NETO2: variants seen among roughly 807,000 people sequenced by gnomAD.
NETO2 encodes neuropilin and tolloid like 2.
In NETO2, 28 loss-of-function variants were observed where a neutral mutation model predicts 62.5. The observed-to-expected ratio is 0.45, with a 90% confidence interval of 0.33 to 0.61. The LOEUF is 0.61. Ranked by LOEUF, NETO2 falls within the 20% of genes least tolerant of loss-of-function variation. The pLI, the probability that NETO2 is intolerant of heterozygous loss-of-function variation, is 0.02. For synonymous variants in NETO2, 214 were observed against 219.1 expected (o/e 0.98, Z 0.21); for missense variants, 548 against 643.2 (o/e 0.85, Z 1.60).
chr16:47,133,764 G>C (rs895727791), intron 1 of NETO2, among the ~76,000 whole-genome samples: 1 of 152,182 alleles, frequency 6.6e-6, no homozygotes, highest in Non-Finnish European at 1.5e-5. Context: ...TAGTAGGTTA[G>C]AGAAAAGTTG....
At chr16:47,136,390 T>C (rs554674499) in intron 1 of NETO2, among the ~76,000 whole-genome samples, 87 of 152,166 alleles carry the variant, frequency 5.7e-4, no homozygotes, top group African/African-American at 2.0e-3. Context: ...GAAATAGATA[T>C]ATATATCCAA....
intron 7 of NETO2, among the ~76,000 whole-genome samples, chr16:47,099,886 A>G (rs769842274): frequency 2.0e-5 from 3 of 152,204 alleles, no homozygotes; most frequent in Non-Finnish European, 2.9e-5. Context: ...CTCATTGTCA[A>G]TATTAGACAG....
At chr16:47,096,937 G>A (rs1032716137) in intron 7 of NETO2, among the ~76,000 whole-genome samples, 4 of 152,162 alleles carry the variant, frequency 2.6e-5, no homozygotes, top group South Asian at 2.1e-4. Context: ...TCAAGGGGTC[G>A]GGGAACTCCC....
intron 6 of NETO2, among the ~76,000 whole-genome samples, chr16:47,111,417 C>T (rs1963798519): frequency 1.3e-5 from 2 of 152,254 alleles, no homozygotes; most frequent in South Asian, 4.1e-4. Flanking sequence ...AAGATCACAG[C>T]ACTTTTCTAC....
intron 7 of NETO2, among the ~76,000 whole-genome samples, chr16:47,092,088 T>A (rs914609957): frequency 3.4e-5 from 5 of 148,078 alleles, no homozygotes; most frequent in Non-Finnish European, 6.0e-5. Flanking sequence ...TCTCAGGCAA[T>A]CTTCCCACCT....
chr16:47,127,458 T>TACTC (rs1964179712), intron 4 of NETO2, among the ~76,000 whole-genome samples: 1 of 152,250 alleles, frequency 6.6e-6, no homozygotes, highest in African/African-American at 2.4e-5. Context: ...CACATATAGT[T>TACTC]TTTTAAAAGA....
intron 4 of NETO2, among the ~76,000 whole-genome samples, chr16:47,127,526 G>T (rs540249223): frequency 7.9e-5 from 12 of 152,318 alleles, no homozygotes; most frequent in African/African-American, 2.9e-4. Flanking sequence ...AGAGTAGAAA[G>T]AGCTGTGAAG....
chr16:47,141,820 C>T (rs1964465768), intron 1 of NETO2, among the ~76,000 whole-genome samples: 1 of 152,230 alleles, frequency 6.6e-6, no homozygotes, highest in African/African-American at 2.4e-5. Flanking sequence ...AGAATCCTTT[C>T]CTGAAAGGTA....
At chr16:47,091,149 A>G (rs892027262) in intron 7 of NETO2, among the ~76,000 whole-genome samples, 2 of 152,184 alleles carry the variant, frequency 1.3e-5, no homozygotes, top group African/African-American at 4.8e-5. Flanking sequence ...ACTCTGTTAA[A>G]TCCCTTATTT....
intron 8 of NETO2, among the ~76,000 whole-genome samples, chr16:47,084,056 T>C (rs1963130683): frequency 6.6e-6 from 1 of 152,208 alleles, no homozygotes; most frequent in Non-Finnish European, 1.5e-5. Flanking sequence ...CATAAATGCA[T>C]ACATTCTGCA....
intron 6 of NETO2, among the ~76,000 whole-genome samples, chr16:47,121,763 A>G (rs1440965170): frequency 2.6e-5 from 4 of 152,226 alleles, no homozygotes; most frequent in African/African-American, 9.6e-5. Flanking sequence ...GTAACAGGTT[A>G]TAAAAGTCAG....
chr16:47,106,401 T>A (rs1435131279), intron 7 of NETO2, among the ~76,000 whole-genome samples: 1 of 152,174 alleles, frequency 6.6e-6, no homozygotes, highest in African/African-American at 2.4e-5. Context: ...ACAATGTGCA[T>A]GTACTTAATG....
intron 6 of NETO2, among the ~76,000 whole-genome samples, chr16:47,113,908 T>G (rs904568278): frequency 3.3e-4 from 51 of 152,278 alleles, no homozygotes; most frequent in African/African-American, 1.2e-3. Context: ...TTTTAAAAGC[T>G]AAAGAACACT....
In NETO2 at chr16:47,083,786, CCTG is replaced by C; in HGVS notation, c.1010_1012del (p.Ala337del). 2 of 1,579,762 alleles carry C rather than the reference CCTG, an allele frequency of 1.3e-6. No individual in the cohort carries two copies. The highest frequency in any genetic ancestry group is 1.7e-6 in the Non-Finnish European group (2 of 1,161,226). On this transcript the variant is annotated inframe_deletion, in exon 9 of 9. Transcript: ENST00000562435. ...AGTCTTAGTGATTTGTTCAAATACT[CCTG>C]CTTTTTTCTTTTCTGCAGAAAGAAA...
intron 7 of NETO2, among the ~76,000 whole-genome samples, chr16:47,106,628 C>T (rs1963681281): frequency 6.6e-6 from 1 of 152,122 alleles, no homozygotes; most frequent in African/African-American, 2.4e-5. Flanking sequence ...ACATTATTCA[C>T]TGTAGCTTCT....
intron 7 of NETO2, among the ~76,000 whole-genome samples, chr16:47,096,308 G>T (rs1963426565): frequency 6.6e-6 from 1 of 152,152 alleles, no homozygotes; most frequent in Admixed American, 6.5e-5. Flanking sequence ...AAATAATAAA[G>T]ATTTGAGTGA....
At chr16:47,097,883 G>A (rs1963461353) in intron 7 of NETO2, among the ~76,000 whole-genome samples, 1 of 152,174 alleles carries the variant, frequency 6.6e-6, no homozygotes, top group Non-Finnish European at 1.5e-5. Flanking sequence ...CAGGCAAACA[G>A]GGTCTGGAGT....
intron 7 of NETO2, among the ~76,000 whole-genome samples, chr16:47,093,031 T>C (rs1963345469): frequency 6.6e-6 from 1 of 152,246 alleles, no homozygotes. Context: ...GGCTTCCCGC[T>C]GTGACTATGG....
intron 1 of NETO2, among the ~76,000 whole-genome samples, chr16:47,135,376 T>C (rs540214667): frequency 6.6e-6 from 1 of 152,262 alleles, no homozygotes; most frequent in African/African-American, 2.4e-5. Flanking sequence ...TCAATGATAA[T>C]GTATATAGGA....
Sources: allele counts gnomAD v4.1 joint callset (sites outside exome capture counted in the v4.1 genomes callset), GRCh38; gene constraint gnomAD v4.1.1; transcripts MANE v1.5; gene names NCBI Gene and HGNC (gene_info 2026-07-23, HGNC 2026-07-21).